Variants in CCDC85C observed in about 807,000 individuals in gnomAD.
CCDC85C encodes the protein coiled-coil domain containing 85C.
In CCDC85C, 18 loss-of-function variants were observed where a neutral mutation model predicts 38.3. That is an observed-to-expected ratio of 0.47 (90% confidence interval 0.33 to 0.70). The LOEUF (loss-of-function observed/expected upper bound fraction) is 0.70. CCDC85C is among the 30% of genes least tolerant of loss of function. CCDC85C has a pLI of 0.03. For missense variants in CCDC85C, 566 were observed against 621.2 expected (o/e 0.91, Z 0.94); for synonymous variants, 264 against 293.8 (o/e 0.90, Z 1.04).
rs1427737419 is a variant in CCDC85C at position 99,509,110 on chromosome 14, A to G, written c.*6136T>C. 2.0e-5 allele frequency: 3 copies of G among 152,202 alleles called. No individual in the cohort carries two copies. Among genetic ancestry groups the G allele is most frequent in the Non-Finnish European group, 4.4e-5 (3 of 68,028 alleles). 9.4% of individuals were successfully genotyped at this position (152,202 alleles called of 1,614,324 possible). A position where few individuals can be genotyped will look rare whatever the true frequency, so the allele number is the denominator to read the frequency against. On this transcript the variant is annotated 3_prime_UTR_variant, in exon 6 of 6. Transcript: ENST00000380243. ...GCAAGATCAAACGGGTTGTGTGCCA[A>G]TGGCCACGTCTACCCAACCAGGATG...
rs1196683574 is a variant in CCDC85C at position 99,558,145 on chromosome 14, G to A, written c.794-22057C>T. On this transcript the variant is annotated intron_variant, in intron 1 of 5. Transcript: ENST00000380243. This position sits in a 1 kb window ranked among gnomAD's most constrained non-coding sequence, Gnocchi z 4.2. ...CTCAGGGTCTCCTTGAAACCACGAGGTTTCCAGTGTGGACTGATGGCAGAG... is the reference window on the plus strand; with the variant it reads ...CTCAGGGTCTCCTTGAAACCACGAGATTTCCAGTGTGGACTGATGGCAGAG... Among the ~76,000 whole-genome samples the A allele has an allele frequency of 6.6e-6, 1 of 152,144 alleles. No individual in the cohort carries two copies. The highest frequency in any genetic ancestry group is 1.5e-5 in the Non-Finnish European group (1 of 68,026).
intron 1 of CCDC85C, among the ~76,000 whole-genome samples, chr14:99,538,595 G>A (rs576083860): frequency 8.5e-5 from 13 of 152,216 alleles, no homozygotes; most frequent in South Asian, 4.1e-4. Context: ...CAGCCCACCC[G>A]CCTCCCCCTG....
chr14:99,597,985 T>C (rs1481801126), intron 1 of CCDC85C, among the ~76,000 whole-genome samples: 1 of 152,230 alleles, frequency 6.6e-6, no homozygotes, highest in Non-Finnish European at 1.5e-5. Flanking sequence ...AGAGGTTCAG[T>C]AAGCTGCCAC....
intron 1 of CCDC85C, among the ~76,000 whole-genome samples, chr14:99,561,179 G>A (rs1245769654): frequency 6.6e-6 from 1 of 152,246 alleles, no homozygotes; most frequent in African/African-American, 2.4e-5. Context: ...CATGGCCGTA[G>A]CGGCCCTGGC....
intron 2 of CCDC85C, among the ~76,000 whole-genome samples, chr14:99,531,478 C>T (rs1897491933): frequency 6.6e-6 from 1 of 151,416 alleles, no homozygotes; most frequent in Non-Finnish European, 1.5e-5. Flanking sequence ...AATTTTAAAG[C>T]CAACATGAGA....
At chr14:99,525,133 C>T (rs546555567) in intron 2 of CCDC85C, among the ~76,000 whole-genome samples, 1 of 152,316 alleles carries the variant, frequency 6.6e-6, no homozygotes, top group South Asian at 2.1e-4. Context: ...CACTGAGGAC[C>T]GGAGTTCAGG....
chr14:99,602,141 A>G (rs554894912), intron 1 of CCDC85C, among the ~76,000 whole-genome samples: 2 of 152,260 alleles, frequency 1.3e-5, no homozygotes, highest in South Asian at 4.1e-4. Flanking sequence ...CAGAACTGGA[A>G]GCCAAGCTAC....
chr14:99,589,062 C>CAA (rs34409860), intron 1 of CCDC85C, among the ~76,000 whole-genome samples: 3,958 of 151,706 alleles, frequency 0.026, 141 homozygotes, highest in East Asian at 0.2. Context: ...CTCATATAAA[C>CAA]AAAAACAGCT....
rs865894748 is a variant in CCDC85C, at chr14:99,590,431, C to T, written c.793+12736G>A. On this transcript the variant is annotated intron_variant, in intron 1 of 5. Transcript: ENST00000380243. ...TGGGGACAGCTCAGCAAAAAAGGAG[C>T]GGCAGGAGAAGACTGGGAGGCCTGA... Among the ~76,000 whole-genome samples, 5 of 152,162 alleles carry T rather than the reference C, an allele frequency of 3.3e-5. No individual in the cohort carries two copies. In the East Asian group the frequency reaches 5.8e-4, roughly 18 times the overall value.
At position 99,510,422 on chromosome 14, in the gene CCDC85C, G is replaced by GC; in HGVS notation, c.*4823dup. The GC allele has an allele frequency of 1.3e-6, 2 of 1,547,144 alleles. No homozygotes were observed. The highest frequency in any genetic ancestry group is 8.7e-7 in the Non-Finnish European group (1 of 1,146,696). ...CCGAGGGACCCTCCTACGGTGCCCTGCCCCCCGCCTACGGCCCACCTGCAC... is the reference window on the plus strand; with the variant it reads ...CCGAGGGACCCTCCTACGGTGCCCTGCCCCCCCGCCTACGGCCCACCTGCAC... On this transcript the variant is annotated 3_prime_UTR_variant, in exon 6 of 6. Coordinates refer to ENST00000380243, the MANE Select transcript of CCDC85C (RefSeq NM_001144995.2).
At chr14:99,552,743 G>A (rs1186961398) in intron 1 of CCDC85C, among the ~76,000 whole-genome samples, 1 of 152,234 alleles carries the variant, frequency 6.6e-6, no homozygotes, top group Non-Finnish European at 1.5e-5. Flanking sequence ...CTTTCACCCA[G>A]TAAGTGCAGC....
At chr14:99,526,315 G>A (rs1190086447) in intron 2 of CCDC85C, among the ~76,000 whole-genome samples, 3 of 152,212 alleles carry the variant, frequency 2.0e-5, no homozygotes, top group African/African-American at 7.2e-5. Flanking sequence ...CCCAGGCCCC[G>A]TGCAGCTCCT....
intron 1 of CCDC85C, among the ~76,000 whole-genome samples, chr14:99,584,821 A>G (rs1038098326): frequency 2.0e-5 from 3 of 152,212 alleles, no homozygotes; most frequent in Non-Finnish European, 4.4e-5. Context: ...GGCTGGGCGC[A>G]GTGGACGCTG....
At chr14:99,592,455 G>A (rs116292057) in intron 1 of CCDC85C, among the ~76,000 whole-genome samples, 254 of 152,330 alleles carry the variant, frequency 1.7e-3, no homozygotes, top group African/African-American at 5.7e-3. Flanking sequence ...AGCCCAGGGC[G>A]ATGTTTTCCC....
chr14:99,593,199 G>A (rs113535739), intron 1 of CCDC85C, among the ~76,000 whole-genome samples: 2,213 of 152,332 alleles, frequency 0.015, 55 homozygotes, highest in African/African-American at 0.05. Flanking sequence ...GGAGCACCGC[G>A]CTCAAAGGAG....
At chr14:99,553,865 G>C (rs1319194046) in intron 1 of CCDC85C, among the ~76,000 whole-genome samples, 1 of 152,202 alleles carries the variant, frequency 6.6e-6, no homozygotes, top group African/African-American at 2.4e-5. Context: ...GCTCCCCTGA[G>C]CTGTGCTGGG....
intron 2 of CCDC85C, among the ~76,000 whole-genome samples, chr14:99,526,658 C>A (rs1449895789): frequency 6.6e-6 from 1 of 152,184 alleles, no homozygotes; most frequent in Non-Finnish European, 1.5e-5. Context: ...TGGCGACCTC[C>A]CTCCAGGAAG....
chr14:99,500,684 TAGAC>T lies in CCDC85C; in HGVS notation c.*14558_*14561del, dbSNP rs1245021117. ...AAATATAACTTGAAGAGAGAATAAA[TAGAC>T]AGGAAAGCTCACTTTTGTAATGCTG... On this transcript the variant is annotated 3_prime_UTR_variant, in exon 6 of 6. Transcript: ENST00000380243. 5 of 890,084 alleles carry T rather than the reference TAGAC, an allele frequency of 5.6e-6. No individual in the cohort carries two copies. In the African/African-American group the frequency reaches 8.3e-5, roughly 15 times the overall value. The allele number at this position is 890,084 out of a possible 1,614,324, so 55.1% of individuals were successfully genotyped here.
chr14:99,578,240 G>T (rs1258766523), intron 1 of CCDC85C, among the ~76,000 whole-genome samples: 1 of 129,676 alleles, frequency 7.7e-6, no homozygotes, highest in Non-Finnish European at 1.6e-5. Context: ...TCCCCCATCG[G>T]TGTGTTTGTG....
Sources: allele counts gnomAD v4.1 joint callset (sites outside exome capture counted in the v4.1 genomes callset), GRCh38; gene constraint gnomAD v4.1.1; non-coding constraint Gnocchi (gnomAD v3.1); transcripts MANE v1.5; gene names NCBI Gene and HGNC (gene_info 2026-07-23, HGNC 2026-07-21).